SYT9: variants seen among roughly 807,000 people sequenced by gnomAD.
SYT9 encodes synaptotagmin 9.
In SYT9, 22 loss-of-function variants were observed where a neutral mutation model predicts 48.4. The ratio of observed to expected loss-of-function variants is 0.45; its 90% CI spans 0.32 to 0.65. The LOEUF (loss-of-function observed/expected upper bound fraction) is 0.65, where lower values mean the gene tolerates loss of function less well. Among genes scored for constraint, SYT9 ranks in the 30% least tolerant of loss-of-function variants. The pLI is 0.03. For synonymous variants in SYT9, 265 were observed against 245.0 expected (o/e 1.08, Z -0.76); for missense variants, 577 against 622.0 (o/e 0.93, Z 0.77).
At chr11:7,453,346 A>G (rs1009620160) in intron 6 of SYT9, among the ~76,000 whole-genome samples, 2 of 152,176 alleles carry the variant, frequency 1.3e-5, no homozygotes, top group East Asian at 3.9e-4. Flanking sequence ...GGAGCCAGCC[A>G]TTGGCTTATC....
intron 3 of SYT9, among the ~76,000 whole-genome samples, chr11:7,383,335 CTAGGAAA>C (rs1205374921): frequency 2.7e-4 from 41 of 152,260 alleles, no homozygotes; most frequent in South Asian, 1.9e-3. Flanking sequence ...GCCAGTAGTA[CTAGGAAA>C]TATGGTGGCT....
At chr11:7,360,293 C>G (rs1328286989) in intron 3 of SYT9, among the ~76,000 whole-genome samples, 5 of 152,110 alleles carry the variant, frequency 3.3e-5, no homozygotes, top group Non-Finnish European at 7.4e-5. Context: ...TGTGATGCCT[C>G]CAGCTTTGTT....
intron 3 of SYT9, among the ~76,000 whole-genome samples, chr11:7,335,980 T>A (rs534899022): frequency 1.3e-5 from 2 of 152,328 alleles, no homozygotes; most frequent in African/African-American, 4.8e-5. Flanking sequence ...GCATTCTCTT[T>A]TCTCCATAAC....
At chr11:7,334,777 A>G (rs941386346) in intron 3 of SYT9, among the ~76,000 whole-genome samples, 7 of 152,146 alleles carry the variant, frequency 4.6e-5, no homozygotes, top group African/African-American at 1.7e-4. Context: ...CAGAATAATT[A>G]TTTTTGAGAT....
At chr11:7,356,531 C>T (rs1850025500) in intron 3 of SYT9, among the ~76,000 whole-genome samples, 1 of 152,176 alleles carries the variant, frequency 6.6e-6, no homozygotes, top group Admixed American at 6.6e-5. Flanking sequence ...GAGGAGAAGA[C>T]ACCCTGCTGC....
intron 1 of SYT9, among the ~76,000 whole-genome samples, chr11:7,262,322 G>A (rs188483501): frequency 2.0e-5 from 3 of 152,242 alleles, no homozygotes; most frequent in African/African-American, 7.2e-5. Flanking sequence ...TTATTAGTGA[G>A]CCCAGTGGGG....
intron 3 of SYT9, among the ~76,000 whole-genome samples, chr11:7,341,456 C>A (rs556759181): frequency 3.9e-5 from 6 of 152,222 alleles, no homozygotes; most frequent in African/African-American, 1.2e-4. Context: ...CTCATGAGAT[C>A]TAATGGTTTT....
chr11:7,328,292 T>C (rs1417672687), intron 3 of SYT9, among the ~76,000 whole-genome samples: 1 of 152,016 alleles, frequency 6.6e-6, no homozygotes, highest in Non-Finnish European at 1.5e-5. Flanking sequence ...TGATTATAAA[T>C]ACATGTGGAT....
intron 3 of SYT9, among the ~76,000 whole-genome samples, chr11:7,338,848 A>G (rs7120586): frequency 6.6e-6 from 1 of 152,116 alleles, no homozygotes; most frequent in East Asian, 1.9e-4. Context: ...CTGTAGATGT[A>G]TATCAGGTCC....
chr11:7,433,269 A>G (rs545497636), intron 6 of SYT9, among the ~76,000 whole-genome samples: 1 of 152,312 alleles, frequency 6.6e-6, no homozygotes, highest in Admixed American at 6.5e-5. Context: ...CTGTGAACCA[A>G]TTAATCTGCT....
At position 7,369,233 on chromosome 11, in the gene SYT9, T is replaced by C. The variant is rs537080234; in HGVS notation, c.1045-46809T>C. Among the ~76,000 whole-genome samples the C allele has an allele frequency of 7.4e-4, 84 of 113,506 alleles. No homozygotes were observed. In the South Asian group the frequency reaches 0.011, roughly 15 times the overall value. 74.5% of individuals were successfully genotyped at this position (113,506 alleles called of 152,430 possible). ...TTAATTTGCATTTCTCTAATGATGATGAGCTTTTTTTCCACATTTATTGGC... is the reference window on the plus strand; with the variant it reads ...TTAATTTGCATTTCTCTAATGATGACGAGCTTTTTTTCCACATTTATTGGC... On this transcript the variant is annotated intron_variant, in intron 3 of 6. Transcript: ENST00000318881.
At chr11:7,434,595 C>T (rs72846824) in intron 6 of SYT9, among the ~76,000 whole-genome samples, 7,959 of 152,106 alleles carry the variant, frequency 0.052, 345 homozygotes, top group East Asian at 0.18. Flanking sequence ...ACCAAGGCCC[C>T]GTGGCTATGG....
intron 2 of SYT9, 129 bp from the exon 3 acceptor site, chr11:7,313,266 C>T: frequency 1.1e-6 from 1 of 939,316 alleles, no homozygotes; most frequent in Non-Finnish European, 1.5e-6. Flanking sequence ...GCCACACACA[C>T]ACAAAAAAGG....
intron 1 of SYT9, among the ~76,000 whole-genome samples, chr11:7,297,092 G>A (rs1265561752): frequency 6.6e-6 from 1 of 151,474 alleles, no homozygotes; most frequent in Non-Finnish European, 1.5e-5. Flanking sequence ...GTGTGAGAGA[G>A]AGAGAGAGAC....
upstream of SYT9, among the ~76,000 whole-genome samples, chr11:7,247,652 A>ACG: frequency 7.3e-6 from 1 of 137,480 alleles, no homozygotes; most frequent in Non-Finnish European, 1.5e-5. Context: ...TGATATATAT[A>ACG]TATACATATG....
At chr11:7,436,960 C>G (rs919728303) in intron 6 of SYT9, among the ~76,000 whole-genome samples, 3 of 152,186 alleles carry the variant, frequency 2.0e-5, no homozygotes, top group Non-Finnish European at 2.9e-5. Context: ...TTTTAGATAA[C>G]TGTGTGAGGA....
intron 2 of SYT9, among the ~76,000 whole-genome samples, chr11:7,306,793 C>T (rs1302020767): frequency 6.6e-6 from 1 of 152,166 alleles, no homozygotes; most frequent in Non-Finnish European, 1.5e-5. Flanking sequence ...TGTTTTCATG[C>T]CTTCACAGGA....
At chr11:7,379,751 T>C (rs961664457) in intron 3 of SYT9, among the ~76,000 whole-genome samples, 2 of 152,114 alleles carry the variant, frequency 1.3e-5, no homozygotes, top group Non-Finnish European at 2.9e-5. Context: ...TGCTTACATA[T>C]CTCTAAAATT....
intron 3 of SYT9, among the ~76,000 whole-genome samples, chr11:7,342,750 G>A (rs111293398): frequency 6.6e-6 from 1 of 152,304 alleles, no homozygotes; most frequent in African/African-American, 2.4e-5. Flanking sequence ...CTCTGTGTGG[G>A]GGCTTCAACA....
Sources: gnomAD v4.1 joint callset for allele counts (sites outside exome capture counted in the v4.1 genomes callset) on GRCh38, gnomAD v4.1.1 for gene constraint, MANE v1.5 for transcripts, NCBI Gene and HGNC (gene_info 2026-07-23, HGNC 2026-07-21) for gene names.